Variants in ABAT observed in about 807,000 individuals in gnomAD.
ABAT encodes 4-aminobutyrate aminotransferase, mitochondrial.
Under a neutral mutation model 64.6 loss-of-function variants are expected in ABAT, and 45 were observed. That is an observed-to-expected ratio of 0.70 (90% CI 0.55 to 0.89). The LOEUF is 0.89. ABAT is among the 40% of genes least tolerant of loss of function. The pLI, the probability that ABAT is intolerant of heterozygous loss-of-function variation, is 0.00. For synonymous variants in ABAT, 297 were observed against 250.5 expected (o/e 1.19, Z -1.75); for missense variants, 633 against 658.4 (o/e 0.96, Z 0.42).
chr16:8,676,749 A>G (rs943181258), intron 1 of ABAT, among the ~76,000 whole-genome samples: 5 of 152,208 alleles, frequency 3.3e-5, no homozygotes, highest in African/African-American at 1.2e-4. Flanking sequence ...AACTTTGGAC[A>G]GGTCCTGAGG....
intron 1 of ABAT, among the ~76,000 whole-genome samples, chr16:8,724,594 G>T (rs923732315): frequency 6.6e-6 from 1 of 152,144 alleles, no homozygotes; most frequent in Admixed American, 6.5e-5. Flanking sequence ...AGATTAGCCA[G>T]GTGTGGTGGC....
At chr16:8,691,533 G>T (rs1273360) in intron 1 of ABAT, among the ~76,000 whole-genome samples, 1 of 151,722 alleles carries the variant, frequency 6.6e-6, no homozygotes, top group African/African-American at 2.4e-5. Flanking sequence ...TCTGCCTCCT[G>T]GGTTCAAGCA....
intron 1 of ABAT, among the ~76,000 whole-genome samples, chr16:8,703,158 T>C (rs2057863251): frequency 6.6e-6 from 1 of 151,982 alleles, no homozygotes; most frequent in Admixed American, 6.6e-5. Flanking sequence ...AAATTACTGC[T>C]GTTAAGGGCC....
intron 1 of ABAT, among the ~76,000 whole-genome samples, chr16:8,679,085 G>A (rs1339471937): frequency 1.3e-5 from 2 of 152,176 alleles, no homozygotes; most frequent in African/African-American, 4.8e-5. Context: ...TTGGGAGGCT[G>A]AGGCGGCAGA....
At chr16:8,771,325 TA>T (rs1365053719) in intron 11 of ABAT, among the ~76,000 whole-genome samples, 1 of 150,826 alleles carries the variant, frequency 6.6e-6, no homozygotes, top group Non-Finnish European at 1.5e-5. Flanking sequence ...CCAAGAAAAG[TA>T]TCTCAGAGCT....
At chr16:8,775,590 C>T (rs1235098511) in intron 13 of ABAT, among the ~76,000 whole-genome samples, 3 of 151,882 alleles carry the variant, frequency 2.0e-5, no homozygotes, top group Non-Finnish European at 4.4e-5. Flanking sequence ...ACACAGCCAT[C>T]AGGGGCCAAC....
intron 3 of ABAT, 91 bp downstream of exon 3, chr16:8,746,189 G>A: frequency 2.1e-6 from 2 of 932,128 alleles, no homozygotes; most frequent in East Asian, 2.5e-5. Context: ...GACCTGTATT[G>A]ATTGTCAGCT....
At chr16:8,772,686 AATTGC>A in intron 11 of ABAT, 89 bp from the exon 12 acceptor site, 1 of 1,539,874 alleles carries the variant, frequency 6.5e-7, no homozygotes, top group Non-Finnish European at 9.0e-7. Context: ...TTTCCAATAA[AATTGC>A]ATGGGGCTCA....
At chr16:8,743,403 C>A (rs548511386) in intron 2 of ABAT, among the ~76,000 whole-genome samples, 14 of 88,770 alleles carry the variant, frequency 1.6e-4, no homozygotes, top group Non-Finnish European at 2.7e-4. Flanking sequence ...TTAGAGTCCC[C>A]TCTTGTGTAA....
intron 2 of ABAT, among the ~76,000 whole-genome samples, chr16:8,745,703 A>T (rs985113549): frequency 2.6e-5 from 4 of 152,144 alleles, no homozygotes; most frequent in African/African-American, 9.7e-5. Context: ...GTCTCAAAAA[A>T]AAATGAATAA....
intron 1 of ABAT, among the ~76,000 whole-genome samples, chr16:8,684,789 A>C (rs910957792): frequency 1.3e-5 from 2 of 151,944 alleles, no homozygotes; most frequent in Admixed American, 1.3e-4. Flanking sequence ...ACACTCAATG[A>C]TTTTATTAGG....
intron 12 of ABAT, 38 bp from the exon 13 acceptor site, chr16:8,774,852 G>T: frequency 6.2e-7 from 1 of 1,611,772 alleles, no homozygotes; most frequent in Non-Finnish European, 8.5e-7. Flanking sequence ...GGCCTCCCAC[G>T]GGTGTTTATT....
At chr16:8,716,708 G>A (rs1215398602) in intron 1 of ABAT, among the ~76,000 whole-genome samples, 2 of 152,284 alleles carry the variant, frequency 1.3e-5, no homozygotes, top group East Asian at 3.9e-4. Context: ...ATCCCGTTGA[G>A]AGCCTCTCCT....
At chr16:8,766,172 G>C (rs1428649523) in intron 8 of ABAT, 36 bp from the exon 9 acceptor site, 1 of 1,606,722 alleles carries the variant, frequency 6.2e-7, no homozygotes, top group Admixed American at 1.7e-5. Context: ...CTACCCCAGA[G>C]CATCTCTGAG....
chr16:8,754,663 T>TTTCC (rs2059593293), intron 5 of ABAT, among the ~76,000 whole-genome samples: 1 of 22,188 alleles, frequency 4.5e-5, no homozygotes, highest in Non-Finnish European at 1.2e-4. Flanking sequence ...AGCAAGTTGA[T>TTTCC]TTATTTATTT....
At chr16:8,717,277 C>A (rs1479569218) in intron 1 of ABAT, among the ~76,000 whole-genome samples, 3 of 152,046 alleles carry the variant, frequency 2.0e-5, no homozygotes, top group Non-Finnish European at 2.9e-5. Flanking sequence ...GCAACAAGAG[C>A]AAAACTCCAT....
At chr16:8,711,105 C>T (rs990160504) in intron 1 of ABAT, among the ~76,000 whole-genome samples, 1 of 152,128 alleles carries the variant, frequency 6.6e-6, no homozygotes, top group African/African-American at 2.4e-5. Context: ...TAGAATTATG[C>T]TAGGGATCAA....
intron 9 of ABAT, among the ~76,000 whole-genome samples, chr16:8,766,723 CTT>C (rs2059957246): frequency 6.6e-6 from 1 of 151,918 alleles, no homozygotes; most frequent in Non-Finnish European, 1.5e-5. Flanking sequence ...AATCCCAGCA[CTT>C]TGGGAGGCCG....
At chr16:8,708,140 C>G (rs570893553) in intron 1 of ABAT, among the ~76,000 whole-genome samples, 62 of 149,556 alleles carry the variant, frequency 4.1e-4, no homozygotes, top group African/African-American at 1.4e-3. Context: ...ATCATTCCCT[C>G]TAATTCTCAG....
Sources: allele counts gnomAD v4.1 joint callset (sites outside exome capture counted in the v4.1 genomes callset), GRCh38; gene constraint gnomAD v4.1.1; transcripts MANE v1.5; gene names NCBI Gene and HGNC (gene_info 2026-07-23, HGNC 2026-07-21).